TRDMT1: variants seen among roughly 807,000 people sequenced by gnomAD.
The protein encoded by TRDMT1 is tRNA aspartic acid methyltransferase 1, also known as tRNA (cytosine(38)-C(5))-methyltransferase.
In TRDMT1, 49 loss-of-function variants were observed where a neutral mutation model predicts 51.2. That is an observed-to-expected ratio of 0.96 (90% CI 0.76 to 1.21). The LOEUF is 1.21. Ranked by LOEUF, TRDMT1 falls within the 50% of genes most tolerant of loss-of-function variation. TRDMT1 has a pLI of 0.00. For synonymous variants in TRDMT1, 187 were observed against 164.6 expected, an observed-to-expected ratio of 1.14 and a Z score of -1.04; for missense variants, 534 against 462.3, an observed-to-expected ratio of 1.16 and a Z score of -1.42.
Position 17,144,778 on chromosome 10 carries a change from G to A in TRDMT1, c.*4262C>T, listed in dbSNP as rs1195234526. 19 of 985,068 alleles carry A rather than the reference G, an allele frequency of 1.9e-5. No homozygotes were observed. The highest frequency in any genetic ancestry group is 2.3e-4 in the East Asian group (2 of 8,830). 61.0% of individuals were successfully genotyped at this position (985,068 alleles called of 1,614,324 possible). On this transcript the variant is annotated 3_prime_UTR_variant, in exon 11 of 11. Transcript: ENST00000377799. ...TCCTAGACAGCCTAAAGAGAGAAAC[G>A]GAAGCTAGAAACAACAACAACAAAA...
At chr10:17,158,417 T>C (rs911469031) in intron 7 of TRDMT1, among the ~76,000 whole-genome samples, 2 of 152,102 alleles carry the variant, frequency 1.3e-5, no homozygotes, top group African/African-American at 4.8e-5. Flanking sequence ...ATGTGTAAGG[T>C]ATATTAACTT....
intron 1 of TRDMT1, among the ~76,000 whole-genome samples, chr10:17,199,872 T>C (rs1020955409): frequency 4.6e-5 from 7 of 152,222 alleles, no homozygotes; most frequent in African/African-American, 2.4e-5. Flanking sequence ...CAAATTCACA[T>C]TGCATTGGCT....
At chr10:17,197,766 C>T (rs1039283342) in intron 1 of TRDMT1, among the ~76,000 whole-genome samples, 1 of 152,238 alleles carries the variant, frequency 6.6e-6, no homozygotes, top group Non-Finnish European at 1.5e-5. Context: ...GGCACAGTGG[C>T]TCACACCTGT....
intron 8 of TRDMT1, among the ~76,000 whole-genome samples, chr10:17,155,109 G>C (rs949435207): frequency 1.6e-4 from 24 of 151,944 alleles, no homozygotes; most frequent in Non-Finnish European, 3.4e-4. Flanking sequence ...CCTACCTCAG[G>C]AGGCTGAGGT....
At chr10:17,157,878 T>TAAAGGCTAATGAGGA in intron 7 of TRDMT1, 94 bp from the exon 8 acceptor site, 1 of 907,608 alleles carries the variant, frequency 1.1e-6, no homozygotes, top group Non-Finnish European at 1.6e-6. Context: ...AACAACCTCA[T>TAAAGGCTAATGAGGA]TAGCCTTTAT....
At chr10:17,201,241 G>A in intron 1 of TRDMT1, 1 of 263,744 alleles carries the variant, frequency 3.8e-6, no homozygotes, top group Non-Finnish European at 7.3e-6. Context: ...CACTTAGAAT[G>A]GGGGCTTGGC....
chr10:17,168,737 G>T (rs1841556588), intron 3 of TRDMT1, 104 bp downstream of exon 3: 2 of 767,584 alleles, frequency 2.6e-6, no homozygotes. Flanking sequence ...GGAACTGTAA[G>T]TCTAGTAAAC....
intron 6 of TRDMT1, 135 bp downstream of exon 6, chr10:17,160,170 A>G (rs536088488): frequency 3.6e-4 from 171 of 479,700 alleles, no homozygotes; most frequent in African/African-American, 3.3e-3. Context: ...AGGAAGACCC[A>G]TAATCTAAAC....
intron 1 of TRDMT1, among the ~76,000 whole-genome samples, chr10:17,198,584 T>G (rs1459720669): frequency 2.0e-5 from 3 of 152,192 alleles, no homozygotes; most frequent in African/African-American, 7.2e-5. Context: ...TTATGTGTGG[T>G]ACGCAGAGTA....
chr10:17,151,786 T>C lies in TRDMT1; in HGVS notation c.1075+1721A>G, dbSNP rs937983777. Reference sequence around the variant, plus strand: ...AATGAAAGCTAAAACAAATTTTACATTATGTCTCAGATATTAGATAAGAAT... The same window carrying C: ...AATGAAAGCTAAAACAAATTTTACACTATGTCTCAGATATTAGATAAGAAT... On this transcript the variant is annotated intron_variant, in intron 10 of 10. Transcript: ENST00000377799. 6.1e-6 allele frequency: 5 copies of C among 815,758 alleles called. No homozygotes were observed. The African/African-American group carries it at 7.4e-5, about 12-fold the overall frequency. 50.5% of individuals were successfully genotyped at this position (815,758 alleles called of 1,614,324 possible).
chr10:17,157,039 T>G (rs1196117986), intron 8 of TRDMT1, among the ~76,000 whole-genome samples: 2 of 152,186 alleles, frequency 1.3e-5, no homozygotes, highest in African/African-American at 4.8e-5. Flanking sequence ...TCCAGATGAC[T>G]CAATATTACA....
chr10:17,201,547 G>A, intron 1 of TRDMT1, 24 bp downstream of exon 1: 2 of 1,544,970 alleles, frequency 1.3e-6, no homozygotes, highest in Non-Finnish European at 1.7e-6. Flanking sequence ...CGAATAGAGA[G>A]AGGGGTGCTA....
At chr10:17,187,014 T>C (rs56828051) in intron 1 of TRDMT1, among the ~76,000 whole-genome samples, 20,844 of 152,226 alleles carry the variant, frequency 0.14, 1,508 homozygotes, top group Admixed American at 0.17. Context: ...TATGTCAGTG[T>C]TTATGCATTA....
intron 1 of TRDMT1, among the ~76,000 whole-genome samples, chr10:17,188,909 T>C (rs1844313263): frequency 6.6e-6 from 1 of 152,226 alleles, no homozygotes; most frequent in Non-Finnish European, 1.5e-5. Context: ...CCAACACTTG[T>C]AATTGTGAGG....
chr10:17,168,941 A>G (rs890110869), intron 2 of TRDMT1, 24 bp from the exon 3 acceptor site: 5 of 1,484,032 alleles, frequency 3.4e-6, no homozygotes, highest in Non-Finnish European at 3.7e-6. Flanking sequence ...ATTTAGGGGG[A>G]AAAAAGAACA....
chr10:17,191,861 C>A (rs1040788808), intron 1 of TRDMT1, among the ~76,000 whole-genome samples: 5 of 152,184 alleles, frequency 3.3e-5, no homozygotes, highest in Non-Finnish European at 7.4e-5. Context: ...TGTGATCTGA[C>A]TCCTCAAGAC....
chr10:17,155,299 A>C (rs7915955), intron 8 of TRDMT1, among the ~76,000 whole-genome samples: 20,866 of 152,196 alleles, frequency 0.14, 1,524 homozygotes, highest in Admixed American at 0.17. Context: ...GAATGATGAA[A>C]TATAAATTGT....
At chr10:17,200,448 T>C (rs1845997960) in intron 1 of TRDMT1, 2 of 167,386 alleles carry the variant, frequency 1.2e-5, no homozygotes, top group South Asian at 2.1e-4. Context: ...TAACCTAGTC[T>C]AGAATTGAAA....
chr10:17,182,566 T>C (rs1224038896), intron 1 of TRDMT1, among the ~76,000 whole-genome samples: 2 of 152,172 alleles, frequency 1.3e-5, no homozygotes, highest in East Asian at 3.9e-4. Context: ...AAAATAGAAG[T>C]ATTCTTCTTG....
Sources: gnomAD v4.1 joint callset for allele counts (sites outside exome capture counted in the v4.1 genomes callset) on GRCh38, gnomAD v4.1.1 for gene constraint, MANE v1.5 for transcripts, NCBI Gene and HGNC (gene_info 2026-07-23, HGNC 2026-07-21) for gene names.